Variants in MITF observed in about 807,000 individuals in gnomAD.
MITF encodes microphthalmia-associated transcription factor.
In MITF, 17 loss-of-function variants were observed where a neutral mutation model predicts 60.5. The observed-to-expected ratio is 0.28, with a 90% CI of 0.19 to 0.42. MITF has a LOEUF of 0.42. Among genes scored for constraint, MITF ranks in the 10% least tolerant of loss-of-function variants. The pLI is 1.00. For synonymous variants in MITF, 260 were observed against 248.5 expected (o/e 1.05, Z -0.43); for missense variants, 622 against 683.5 (o/e 0.91, Z 1.00).
chr3:69,866,440 T>C, intron 1 of MITF: 1 of 1,498,928 alleles, frequency 6.7e-7, no homozygotes, highest in Non-Finnish European at 9.1e-7. Flanking sequence ...AAGAGAAGGG[T>C]TTATTGGGAG....
chr3:69,962,743 A>G (rs925210814), intron 9 of MITF, among the ~76,000 whole-genome samples: 3 of 152,174 alleles, frequency 2.0e-5, no homozygotes, highest in Admixed American at 6.5e-5. Context: ...TACACTCAGA[A>G]AGGAAAAAGG....
chr3:69,834,846 CTTTTTT>C (rs71126468), intron 1 of MITF, among the ~76,000 whole-genome samples: 1 of 129,670 alleles, frequency 7.7e-6, no homozygotes, highest in African/African-American at 2.9e-5. Flanking sequence ...GTTTTCTTTT[CTTTTTT>C]TTTTTTTTTT....
intron 1 of MITF, among the ~76,000 whole-genome samples, chr3:69,775,127 A>T (rs1054170324): frequency 5.3e-5 from 8 of 151,930 alleles, no homozygotes; most frequent in African/African-American, 1.7e-4. Flanking sequence ...CTTTTCTTTT[A>T]TGGTTTCCTA....
At chr3:69,858,235 G>A (rs988091006) in intron 1 of MITF, among the ~76,000 whole-genome samples, 4 of 152,066 alleles carry the variant, frequency 2.6e-5, no homozygotes, top group Admixed American at 1.3e-4. Flanking sequence ...TCAATTAGAT[G>A]CAGAAAGCTA....
At chr3:69,763,634 C>CTCCT (rs2062243743) in intron 1 of MITF, 1 of 1,224,966 alleles carries the variant, frequency 8.2e-7, no homozygotes, top group African/African-American at 1.6e-5. Flanking sequence ...TTGTAATAAT[C>CTCCT]TCCTTTCTGA....
At chr3:69,789,731 C>T (rs2062708583) in intron 1 of MITF, among the ~76,000 whole-genome samples, 1 of 152,122 alleles carries the variant, frequency 6.6e-6, no homozygotes, top group African/African-American at 2.4e-5. Flanking sequence ...TGGCACACAC[C>T]TGTAGTCCCA....
intron 1 of MITF, among the ~76,000 whole-genome samples, chr3:69,821,821 G>A (rs1396858701): frequency 2.0e-5 from 3 of 151,886 alleles, no homozygotes; most frequent in Admixed American, 1.3e-4. Context: ...ACGTGATCTC[G>A]GCTCACTGCA....
rs368073828 is a variant in MITF at position 69,904,336 on chromosome 3, T to C, written c.354+24953T>C. On this transcript the variant is annotated intron_variant, in intron 2 of 9. Transcript: ENST00000352241. Reference sequence around the variant, plus strand: ...TAACCGTACTGAAGACTGAGAGAACTGAAATGTTTGATCATATTTAGATTT... The same window carrying C: ...TAACCGTACTGAAGACTGAGAGAACCGAAATGTTTGATCATATTTAGATTT... 5.3e-5 allele frequency among the ~76,000 whole-genome samples: 8 copies of C among 152,306 alleles called. No homozygotes were observed. The East Asian group carries it at 1.5e-3, about 29-fold the overall frequency.
chr3:69,942,325 T>C (rs1354288466), intron 5 of MITF, among the ~76,000 whole-genome samples: 1 of 152,190 alleles, frequency 6.6e-6, no homozygotes, highest in African/African-American at 2.4e-5. Context: ...TTTTATCCTA[T>C]GTGTTTTTTA....
At chr3:69,936,170 T>A (rs763427632) in intron 2 of MITF, among the ~76,000 whole-genome samples, 6 of 152,178 alleles carry the variant, frequency 3.9e-5, no homozygotes, top group Non-Finnish European at 8.8e-5. Flanking sequence ...GCACAGAGTC[T>A]CTTCTCTTCT....
At chr3:69,843,629 C>G (rs761831521) in intron 1 of MITF, among the ~76,000 whole-genome samples, 1 of 152,102 alleles carries the variant, frequency 6.6e-6, no homozygotes, top group Non-Finnish European at 1.5e-5. Context: ...AATGACTGTA[C>G]TTCTACACAA....
chr3:69,750,468 C>G lies in MITF; in HGVS notation c.104+10767C>G, dbSNP rs548008991. Among the ~76,000 whole-genome samples, 3 of 140,242 alleles carry G rather than the reference C, an allele frequency of 2.1e-5. No homozygotes were observed. The South Asian group carries it at 6.8e-4, about 32-fold the overall frequency. 92.0% of individuals were successfully genotyped at this position (140,242 alleles called of 152,430 possible). ...CTCTGGCCTGACAATACAAGTGACA[C>G]TCCTTTTTTTTTTTTTTTTTAACTA... On this transcript the variant is annotated intron_variant, in intron 1 of 9. Coordinates refer to ENST00000352241, the MANE Select transcript of MITF (RefSeq NM_001354604.2).
chr3:69,921,235 C>T (rs909686720), intron 2 of MITF, among the ~76,000 whole-genome samples: 2 of 152,180 alleles, frequency 1.3e-5, no homozygotes, highest in African/African-American at 4.8e-5. Context: ...ACTCCGTAAG[C>T]TTATTGTAAG....
intron 1 of MITF, among the ~76,000 whole-genome samples, chr3:69,790,464 A>C (rs944860170): frequency 6.6e-6 from 1 of 152,192 alleles, no homozygotes; most frequent in African/African-American, 2.4e-5. Flanking sequence ...AAATGGTTAA[A>C]ATGGTAAATT....
Position 69,966,609 on chromosome 3 carries a change from A to G in MITF, c.*1361A>G, listed in dbSNP as rs938319154. The G allele has an allele frequency of 4.3e-6, 1 of 233,086 alleles. No homozygotes were observed. The highest frequency in any genetic ancestry group is 2.2e-5 in the African/African-American group (1 of 45,340). The allele number at this position is 233,086 out of a possible 1,614,324, so 14.4% of individuals were successfully genotyped here. ...AATACTGTATTGGGAAGTTACTGTT[A>G]CTTGATAACAATGTTTTAACAAGAA... On this transcript the variant is annotated 3_prime_UTR_variant, in exon 10 of 10. Coordinates refer to ENST00000352241, the MANE Select transcript of MITF (RefSeq NM_001354604.2).
intron 2 of MITF, among the ~76,000 whole-genome samples, chr3:69,929,765 G>A (rs79573010): frequency 9.8e-4 from 149 of 152,188 alleles, no homozygotes; most frequent in African/African-American, 3.5e-3. Context: ...ACAGAAGCAG[G>A]TAGAAGAGTC....
chr3:69,926,955 T>C (rs1239572006), intron 2 of MITF, among the ~76,000 whole-genome samples: 1 of 152,222 alleles, frequency 6.6e-6, no homozygotes, highest in Non-Finnish European at 1.5e-5. Flanking sequence ...TGAATATATT[T>C]TCATTTGTCC....
intron 1 of MITF, among the ~76,000 whole-genome samples, chr3:69,765,378 A>G (rs779211546): frequency 1.3e-5 from 2 of 152,244 alleles, no homozygotes; most frequent in African/African-American, 2.4e-5. Context: ...GCAAACCAAC[A>G]TGAATTTGAA....
At chr3:69,880,155 T>C (rs1381138754) in intron 2 of MITF, among the ~76,000 whole-genome samples, 1 of 152,202 alleles carries the variant, frequency 6.6e-6, no homozygotes, top group Non-Finnish European at 1.5e-5. Flanking sequence ...TTAGTTTTTT[T>C]ATTTTAGTAC....
Sources: gnomAD v4.1 joint callset for allele counts (sites outside exome capture counted in the v4.1 genomes callset) on GRCh38, gnomAD v4.1.1 for gene constraint, MANE v1.5 for transcripts, NCBI Gene and HGNC (gene_info 2026-07-23, HGNC 2026-07-21) for gene names.